Variants in GLRB observed in about 807,000 individuals in gnomAD.
GLRB encodes glycine receptor beta, also known as glycine receptor subunit beta.
GLRB carries 33 observed loss-of-function variants against 54.2 expected under a neutral mutation model. The ratio of observed to expected loss-of-function variants is 0.61; its 90% CI spans 0.46 to 0.81. The LOEUF (loss-of-function observed/expected upper bound fraction) is 0.81. Ranked by LOEUF, GLRB falls within the 40% of genes least tolerant of loss-of-function variation. The pLI, the probability that GLRB is intolerant of heterozygous loss-of-function variation, is 0.00. For missense variants in GLRB, 572 were observed against 584.6 expected, an observed-to-expected ratio of 0.98 and a Z score of 0.22; for synonymous variants, 209 against 208.2, an observed-to-expected ratio of 1.00 and a Z score of -0.03.
intron 2 of GLRB, among the ~76,000 whole-genome samples, chr4:157,085,124 A>G (rs530700308): frequency 2.0e-5 from 3 of 152,336 alleles, no homozygotes; most frequent in South Asian, 4.1e-4. Context: ...GGAAATCAGC[A>G]TCCTTATTAT....
intron 4 of GLRB, among the ~76,000 whole-genome samples, chr4:157,131,315 T>C (rs1303512253): frequency 6.6e-6 from 1 of 151,746 alleles, no homozygotes; most frequent in Admixed American, 6.6e-5. Context: ...TTTTTAAGAG[T>C]AGACTCGATG....
At chr4:157,115,154 C>T (rs1182620399) in intron 2 of GLRB, among the ~76,000 whole-genome samples, 1 of 150,982 alleles carries the variant, frequency 6.6e-6, no homozygotes, top group Non-Finnish European at 1.5e-5. Flanking sequence ...TAATACAATA[C>T]TACTTTATTT....
Position 157,170,916 on chromosome 4 carries a change from T to C in GLRB, c.*188T>C. On this transcript the variant is annotated 3_prime_UTR_variant, in exon 10 of 10. Transcript: ENST00000264428. ...TGATCATGTAATATCTGTGCTCTAA[T>C]AACGATGTATATATGTATAGTGAAC... is the stretch of plus-strand genomic sequence containing the variant. 2 of 533,840 alleles carry C rather than the reference T, an allele frequency of 3.7e-6. No homozygotes were observed. Among genetic ancestry groups the C allele is most frequent in the South Asian group, 2.7e-5 (1 of 36,464 alleles). The allele number at this position is 533,840 out of a possible 1,614,324, so 33.1% of individuals were successfully genotyped here.
intron 2 of GLRB, among the ~76,000 whole-genome samples, chr4:157,116,334 C>G (rs909318237): frequency 2.0e-5 from 3 of 151,744 alleles, no homozygotes; most frequent in Admixed American, 2.0e-4. Context: ...AAATTAATGT[C>G]ATATTTCCAA....
chr4:157,139,064 A>G, intron 7 of GLRB, 115 bp downstream of exon 7: 2 of 630,234 alleles, frequency 3.2e-6, no homozygotes, highest in Admixed American at 2.6e-5. Flanking sequence ...TAAATTAGCA[A>G]ATAGTTTATC....
chr4:157,097,721 G>T (rs1734864842), intron 2 of GLRB, among the ~76,000 whole-genome samples: 1 of 152,100 alleles, frequency 6.6e-6, no homozygotes, highest in Non-Finnish European at 1.5e-5. Flanking sequence ...AGCATTTCTA[G>T]TAGTCAAGAA....
At chr4:157,107,759 T>C (rs990840430) in intron 2 of GLRB, among the ~76,000 whole-genome samples, 1 of 152,104 alleles carries the variant, frequency 6.6e-6, no homozygotes, top group Non-Finnish European at 1.5e-5. Context: ...AGATCTTTGA[T>C]GAAGGTGAAT....
chr4:157,095,070 G>A (rs1011021278), intron 2 of GLRB, among the ~76,000 whole-genome samples: 2 of 152,164 alleles, frequency 1.3e-5, no homozygotes, highest in African/African-American at 4.8e-5. Flanking sequence ...GATCTACATT[G>A]AGTTGGCTAC....
chr4:157,136,391 C>T lies in GLRB; in HGVS notation c.298-78C>T, dbSNP rs1736398595. 3 of 821,906 alleles carry T rather than the reference C, an allele frequency of 3.7e-6. No individual in the cohort carries two copies. In the South Asian group the frequency reaches 4.3e-5, roughly 12 times the overall value. The allele number at this position is 821,906 out of a possible 1,614,324, so 50.9% of individuals were successfully genotyped here. On this transcript the variant is annotated intron_variant, in intron 4 of 9. Transcript: ENST00000264428. ...ATTTGTGCCACTAATCATTGTAACC[C>T]TTTTTGTTTTGGGGCCGAATAAGTT...
At chr4:157,130,315 G>A (rs936717035) in intron 4 of GLRB, among the ~76,000 whole-genome samples, 2 of 151,594 alleles carry the variant, frequency 1.3e-5, no homozygotes, top group African/African-American at 4.8e-5. Flanking sequence ...ACCTTCTGTG[G>A]CACTTACTGC....
At chr4:157,158,179 G>GT (rs1737312778) in intron 9 of GLRB, among the ~76,000 whole-genome samples, 3 of 151,210 alleles carry the variant, frequency 2.0e-5, no homozygotes, top group South Asian at 2.1e-4. Context: ...CTTTTTGATG[G>GT]GTTTTTTTTT....
At position 157,170,538 on chromosome 4, in the gene GLRB, A is replaced by C; in HGVS notation, c.1304A>C (p.Tyr435Ser). 6.2e-7 allele frequency: 1 copy of C among 1,612,360 alleles called. No individual in the cohort carries two copies. Among genetic ancestry groups the C allele is most frequent in the Non-Finnish European group, 8.5e-7 (1 of 1,178,518 alleles). Reference protein sequence around the residue: ...SLPRDFELSNYDCYGKPIEVN... With the variant: ...SLPRDFELSNSDCYGKPIEVN... ...CCAAGAGATTTTGAACTATCCAATT[A>C]TGACTGCTATGGAAAACCCATTGAA... Residue 435 changes from tyrosine to serine, a missense_variant, in exon 10 of 10, where the codon TAT becomes TCT. Transcript: ENST00000264428.
chr4:157,129,026 T>G (rs1333313340), intron 4 of GLRB, among the ~76,000 whole-genome samples: 2 of 151,878 alleles, frequency 1.3e-5, no homozygotes, highest in African/African-American at 4.8e-5. Context: ...ATATAAACAG[T>G]TCTTAATATT....
intron 9 of GLRB, among the ~76,000 whole-genome samples, chr4:157,156,795 A>C (rs996544679): frequency 1.3e-5 from 2 of 152,138 alleles, no homozygotes; most frequent in Admixed American, 6.6e-5. Flanking sequence ...GCACAGTTTG[A>C]AATCTTTTGT....
intron 8 of GLRB, among the ~76,000 whole-genome samples, chr4:157,151,054 A>G (rs1453827564): frequency 6.6e-6 from 1 of 152,116 alleles, no homozygotes; most frequent in Non-Finnish European, 1.5e-5. Context: ...ATAATCTGAA[A>G]TTATTCTCTA....
intron 4 of GLRB, among the ~76,000 whole-genome samples, chr4:157,125,690 T>C (rs1163214729): frequency 6.6e-6 from 1 of 151,726 alleles, no homozygotes; most frequent in Non-Finnish European, 1.5e-5. Flanking sequence ...TCCTAGCAAC[T>C]TGGGAAGCTG....
chr4:157,137,601 T>C (rs1579230251), intron 6 of GLRB, among the ~76,000 whole-genome samples: 1 of 152,272 alleles, frequency 6.6e-6, no homozygotes, highest in Non-Finnish European at 1.5e-5. Flanking sequence ...ATCTTGCATA[T>C]GTATTCTAGG....
intron 9 of GLRB, among the ~76,000 whole-genome samples, chr4:157,163,829 A>AGTGTGTGTGTGTGTGT (rs3054934): frequency 0.024 from 3,443 of 146,346 alleles, 131 homozygotes; most frequent in African/African-American, 0.08. Context: ...TGTCTGTGTG[A>AGTGTGTGTGTGTGTGT]GTGTGTGTGT....
At position 157,158,382 on chromosome 4, in the gene GLRB, C is replaced by T. The variant is rs144455142; in HGVS notation, c.1197+5372C>T. ...TGGCTTTTGTTGCCATTGCTTTTGGCGTTTTAGTCATGAAGTCCTTGCTCG... is the reference window on the plus strand; with the variant it reads ...TGGCTTTTGTTGCCATTGCTTTTGGTGTTTTAGTCATGAAGTCCTTGCTCG... On this transcript the variant is annotated intron_variant, in intron 9 of 9. Coordinates refer to ENST00000264428, the MANE Select transcript of GLRB (RefSeq NM_000824.5). Among the ~76,000 whole-genome samples the T allele has an allele frequency of 1.5e-3, 222 of 152,110 alleles. 4 individuals carry two copies. In the East Asian group the frequency reaches 0.035, roughly 24 times the overall value.
Sources: allele counts gnomAD v4.1 joint callset (sites outside exome capture counted in the v4.1 genomes callset), GRCh38; gene constraint gnomAD v4.1.1; transcripts MANE v1.5; gene names NCBI Gene and HGNC (gene_info 2026-07-23, HGNC 2026-07-21).